PRICKLE1: variants seen among roughly 807,000 people sequenced by gnomAD.
PRICKLE1 encodes the protein prickle planar cell polarity protein 1.
Under a neutral mutation model 70.2 loss-of-function variants are expected in PRICKLE1, and 14 were observed. The ratio of observed to expected loss-of-function variants is 0.20; its 90% CI spans 0.13 to 0.31. PRICKLE1 has a LOEUF of 0.31. Ranked by LOEUF, PRICKLE1 falls within the 10% of genes least tolerant of loss-of-function variation. PRICKLE1 has a pLI of 1.00. For missense variants in PRICKLE1, 821 were observed against 1,026.2 expected, an observed-to-expected ratio of 0.80 and a Z score of 2.73; for synonymous variants, 357 against 379.9, an observed-to-expected ratio of 0.94 and a Z score of 0.70.
intron 1 of PRICKLE1, among the ~76,000 whole-genome samples, chr12:42,476,838 T>TG (rs1938558305): frequency 6.7e-6 from 1 of 149,682 alleles, no homozygotes; most frequent in African/African-American, 2.5e-5. Flanking sequence ...TTTGTAGAGA[T>TG]GGGGTCTCCC....
chr12:42,466,980 G>A (rs1317351025), intron 5 of PRICKLE1, among the ~76,000 whole-genome samples: 1 of 152,162 alleles, frequency 6.6e-6, no homozygotes, highest in Non-Finnish European at 1.5e-5. Flanking sequence ...GGGCTTGAGC[G>A]ATCCTCCCAC....
At chr12:42,558,350 C>A (rs1206835377) in intron 1 of PRICKLE1, among the ~76,000 whole-genome samples, 1 of 152,182 alleles carries the variant, frequency 6.6e-6, no homozygotes, top group Non-Finnish European at 1.5e-5. Context: ...AAAAGGGAGG[C>A]AACAACCAAT....
chr12:42,468,094 T>C (rs956873653), intron 5 of PRICKLE1, among the ~76,000 whole-genome samples: 26 of 152,330 alleles, frequency 1.7e-4, no homozygotes, highest in African/African-American at 6.0e-4. Context: ...CTCTCTGTAA[T>C]AGCTTTGCAA....
intron 1 of PRICKLE1, among the ~76,000 whole-genome samples, chr12:42,495,121 C>G (rs1460510405): frequency 1.3e-5 from 2 of 151,772 alleles, no homozygotes; most frequent in African/African-American, 4.8e-5. Context: ...GTAATCCCAG[C>G]ACTTTGGAAA....
rs957388280 is a variant in PRICKLE1, at chr12:42,459,109, A to G, written c.*700T>C. ...GGTTCCCTGGCAAATCTAGCACTGC[A>G]GCGTAACAAACGGCTTACAATTCAG... On this transcript the variant is annotated 3_prime_UTR_variant, in exon 8 of 8. Transcript: ENST00000345127. 6.0e-6 allele frequency: 3 copies of G among 496,342 alleles called. No homozygotes were observed. The highest frequency in any genetic ancestry group is 1.1e-5 in the Non-Finnish European group (3 of 278,052). The allele number at this position is 496,342 out of a possible 1,614,324, so 30.7% of individuals were successfully genotyped here.
chr12:42,458,909 G>A lies in PRICKLE1; in HGVS notation c.*900C>T, dbSNP rs542060460. ...TAAGTAACACTTGTAAGATTAATAG[G>A]GCCATAGTTTTAAAGAGTACTTACA... On this transcript the variant is annotated 3_prime_UTR_variant, in exon 8 of 8. Transcript: ENST00000345127. 5.5e-6 allele frequency: 1 copy of A among 180,888 alleles called. No homozygotes were observed. Among genetic ancestry groups the A allele is most frequent in the African/African-American group, 2.4e-5 (1 of 42,388 alleles). The allele number at this position is 180,888 out of a possible 1,614,324, so 11.2% of individuals were successfully genotyped here. A position where few individuals can be genotyped will look rare whatever the true frequency, so the allele number is the denominator to read the frequency against.
intron 1 of PRICKLE1, among the ~76,000 whole-genome samples, chr12:42,536,605 C>T (rs980960851): frequency 2.0e-5 from 3 of 152,122 alleles, no homozygotes; most frequent in Non-Finnish European, 4.4e-5. Context: ...TCTTTGGTTC[C>T]TGCTACACTG....
chr12:42,522,636 A>T (rs1939731221), intron 1 of PRICKLE1, among the ~76,000 whole-genome samples: 1 of 152,220 alleles, frequency 6.6e-6, no homozygotes, highest in African/African-American at 2.4e-5. Flanking sequence ...CCTTGGTCAC[A>T]TTAACGTACT....
chr12:42,586,391 T>TA (rs1202536352), intron 1 of PRICKLE1, among the ~76,000 whole-genome samples: 1 of 140,922 alleles, frequency 7.1e-6, no homozygotes, highest in Non-Finnish European at 1.6e-5. Flanking sequence ...TAAAATTACC[T>TA]TTTTTTTTTT....
intron 4 of PRICKLE1, 143 bp from the exon 5 acceptor site, chr12:42,468,972 T>TCCAGCATTAAA (rs1938214127): frequency 2.5e-6 from 2 of 793,564 alleles, no homozygotes; most frequent in Non-Finnish European, 4.2e-6. Flanking sequence ...AGCTCTTTAA[T>TCCAGCATTAAA]GCTGGATTAC....
rs1418440779 is a variant in PRICKLE1 at position 42,459,091 on chromosome 12, T to A, written c.*718A>T. On this transcript the variant is annotated 3_prime_UTR_variant, in exon 8 of 8. Coordinates refer to ENST00000345127, the MANE Select transcript of PRICKLE1 (RefSeq NM_153026.3). ...AGTTCATCCATAAATTCTGGTTCCC[T>A]GGCAAATCTAGCACTGCAGCGTAAC... 6 of 448,986 alleles carry A rather than the reference T, an allele frequency of 1.3e-5. No individual in the cohort carries two copies. The highest frequency in any genetic ancestry group is 2.4e-5 in the Non-Finnish European group (6 of 251,770). The allele number at this position is 448,986 out of a possible 1,614,324, so 27.8% of individuals were successfully genotyped here. A position where few individuals can be genotyped will look rare whatever the true frequency, so the allele number is the denominator to read the frequency against.
chr12:42,481,633 T>C (rs1286013821), intron 1 of PRICKLE1, among the ~76,000 whole-genome samples: 2 of 152,204 alleles, frequency 1.3e-5, no homozygotes, highest in Non-Finnish European at 2.9e-5. Context: ...GGTTCTCCAT[T>C]CAAAAGCTAC....
chr12:42,573,075 C>A (rs1425592772), intron 1 of PRICKLE1, among the ~76,000 whole-genome samples: 2 of 152,046 alleles, frequency 1.3e-5, no homozygotes, highest in African/African-American at 4.8e-5. Context: ...AGGAGTGTTT[C>A]AGCCTAAACA....
chr12:42,567,396 A>G (rs1940637693), intron 1 of PRICKLE1, among the ~76,000 whole-genome samples: 1 of 152,236 alleles, frequency 6.6e-6, no homozygotes, highest in South Asian at 2.1e-4. Context: ...TTTCTGGAGT[A>G]TTTCTCAAAT....
intron 1 of PRICKLE1, chr12:42,483,401 CG>C (rs1412963615): frequency 1.3e-5 from 2 of 152,008 alleles, no homozygotes; most frequent in Non-Finnish European, 2.9e-5. Context: ...CGGCCGAGCG[CG>C]GCCTGCAGCC....
intron 1 of PRICKLE1, among the ~76,000 whole-genome samples, chr12:42,511,976 G>A (rs749176580): frequency 8.3e-4 from 126 of 152,268 alleles, no homozygotes; most frequent in Admixed American, 2.9e-3. Flanking sequence ...CTGTGAGGCC[G>A]TGATCTGCAT....
At chr12:42,512,705 T>C (rs1380773252) in intron 1 of PRICKLE1, among the ~76,000 whole-genome samples, 1 of 152,118 alleles carries the variant, frequency 6.6e-6, no homozygotes, top group African/African-American at 2.4e-5. Context: ...TTGCCCAGGC[T>C]GGAGTGCAGT....
intron 1 of PRICKLE1, among the ~76,000 whole-genome samples, chr12:42,586,678 CT>C (rs1264594438): frequency 6.6e-6 from 1 of 152,154 alleles, no homozygotes; most frequent in African/African-American, 2.4e-5. Context: ...AAGAGAGTTA[CT>C]TAATTACTGG....
intron 1 of PRICKLE1, among the ~76,000 whole-genome samples, chr12:42,477,480 GTGTATATATATATATATATATATATATA>G (rs1938606580): frequency 1.4e-5 from 1 of 69,042 alleles, no homozygotes; most frequent in South Asian, 5.9e-4. Context: ...GTGTGTGTGT[GTGTATATATATATATATATATATATATA>G]TATATATATA....
Sources: gnomAD v4.1 joint callset for allele counts (sites outside exome capture counted in the v4.1 genomes callset) on GRCh38, gnomAD v4.1.1 for gene constraint, MANE v1.5 for transcripts, NCBI Gene and HGNC (gene_info 2026-07-23, HGNC 2026-07-21) for gene names.